Variants in CYP39A1 observed in about 807,000 individuals in gnomAD.
CYP39A1 encodes 24-hydroxycholesterol 7-alpha-hydroxylase.
Under a neutral mutation model 58.1 loss-of-function variants are expected in CYP39A1, and 49 were observed. The ratio of observed to expected loss-of-function variants is 0.84; its 90% CI spans 0.67 to 1.07. The LOEUF (loss-of-function observed/expected upper bound fraction) is 1.07, where lower values mean the gene tolerates loss of function less well. CYP39A1 is among the 50% of genes least tolerant of loss of function. CYP39A1 has a pLI of 0.00. For missense variants in CYP39A1, 531 were observed against 539.4 expected, an observed-to-expected ratio of 0.98 and a Z score of 0.16; for synonymous variants, 209 against 187.6, an observed-to-expected ratio of 1.11 and a Z score of -0.93.
intron 10 of CYP39A1, among the ~76,000 whole-genome samples, chr6:46,578,562 A>T: frequency 6.6e-6 from 1 of 152,232 alleles, no homozygotes; most frequent in East Asian, 1.9e-4. Context: ...AGAAAAAAAA[A>T]GAGAAAAGAT....
At chr6:46,625,314 G>T (rs1029694010) in intron 7 of CYP39A1, 104 bp downstream of exon 7, 4 of 754,342 alleles carry the variant, frequency 5.3e-6, no homozygotes, top group Non-Finnish European at 6.2e-6. Context: ...TTGAATTTTG[G>T]ATTATGTTGA....
chr6:46,555,765 T>C (rs1210398805), intron 10 of CYP39A1, among the ~76,000 whole-genome samples: 2 of 152,216 alleles, frequency 1.3e-5, no homozygotes, highest in African/African-American at 2.4e-5. Context: ...ATCAAATAAT[T>C]AGATTTTTCT....
chr6:46,615,785 G>C (rs1774498279), intron 7 of CYP39A1, among the ~76,000 whole-genome samples: 3 of 151,132 alleles, frequency 2.0e-5, no homozygotes, highest in African/African-American at 7.3e-5. Context: ...TCATGATGGT[G>C]ATCTCAAAGA....
At chr6:46,560,446 G>A (rs1250879798) in intron 10 of CYP39A1, among the ~76,000 whole-genome samples, 1 of 152,188 alleles carries the variant, frequency 6.6e-6, no homozygotes, top group Admixed American at 6.5e-5. Context: ...AGGAATCAAG[G>A]ATGACTCCAA....
At chr6:46,564,168 TTATTCTATTTTATTC>T (rs1771150981) in intron 10 of CYP39A1, among the ~76,000 whole-genome samples, 1 of 130,410 alleles carries the variant, frequency 7.7e-6, no homozygotes, top group Non-Finnish European at 1.5e-5. Flanking sequence ...TTATTCTATT[TTATTCTATTTTATTC>T]TATTTTATTT....
At chr6:46,585,332 T>C (rs1472833791) in intron 10 of CYP39A1, among the ~76,000 whole-genome samples, 1 of 149,758 alleles carries the variant, frequency 6.7e-6, no homozygotes, top group East Asian at 2.0e-4. Flanking sequence ...TATAGATAGA[T>C]AGATAGATAG....
At chr6:46,649,624 T>C (rs1465721172) in intron 1 of CYP39A1, among the ~76,000 whole-genome samples, 1 of 152,222 alleles carries the variant, frequency 6.6e-6, no homozygotes, top group Admixed American at 6.5e-5. Context: ...ACATTTTGCT[T>C]ATAAGGCGGA....
rs143289963 is a variant in CYP39A1 at position 46,554,814 on chromosome 6, T to C, written c.1251-960A>G. 1.2e-4 allele frequency among the ~76,000 whole-genome samples: 18 copies of C among 152,212 alleles called. No individual in the cohort carries two copies. The East Asian group carries it at 3.1e-3, about 26-fold the overall frequency. On this transcript the variant is annotated intron_variant, in intron 10 of 11. Transcript: ENST00000275016. ...ATCCAATTAGGCACCAAGTCCTTTT[T>C]TTATGGTTCTCCTAAATAGCTCTTA... is the stretch of plus-strand genomic sequence containing the variant.
intron 5 of CYP39A1, among the ~76,000 whole-genome samples, chr6:46,634,603 C>A (rs367619412): frequency 5.1e-4 from 75 of 147,108 alleles, no homozygotes; most frequent in African/African-American, 1.8e-3. Context: ...CGCACCATAA[C>A]CTCCGCCTCC....
At chr6:46,621,159 G>A (rs559369099) in intron 7 of CYP39A1, among the ~76,000 whole-genome samples, 3 of 152,182 alleles carry the variant, frequency 2.0e-5, no homozygotes, top group Admixed American at 6.5e-5. Context: ...AAGACTGTCT[G>A]AATAGATTAT....
At chr6:46,582,102 T>C (rs780402723) in intron 10 of CYP39A1, among the ~76,000 whole-genome samples, 2 of 152,234 alleles carry the variant, frequency 1.3e-5, no homozygotes, top group Non-Finnish European at 2.9e-5. Context: ...GTGCACACTC[T>C]TGTGAAAATG....
chr6:46,635,067 A>T (rs1350889916), intron 5 of CYP39A1, among the ~76,000 whole-genome samples: 1 of 152,198 alleles, frequency 6.6e-6, no homozygotes, highest in Non-Finnish European at 1.5e-5. Flanking sequence ...AGATACCTAA[A>T]CATTCACATA....
At chr6:46,599,028 C>A (rs533155050) in intron 7 of CYP39A1, among the ~76,000 whole-genome samples, 2 of 152,096 alleles carry the variant, frequency 1.3e-5, no homozygotes, top group African/African-American at 4.8e-5. Context: ...TTTCCTGAAA[C>A]CTTTATTGGG....
At chr6:46,616,175 C>A (rs1240594740) in intron 7 of CYP39A1, among the ~76,000 whole-genome samples, 14 of 27,860 alleles carry the variant, frequency 5.0e-4, no homozygotes, top group Non-Finnish European at 6.6e-4. Flanking sequence ...TTCTTTCTTT[C>A]TTTCTTTCTT....
At chr6:46,561,336 G>A (rs1770957880) in intron 10 of CYP39A1, among the ~76,000 whole-genome samples, 1 of 152,070 alleles carries the variant, frequency 6.6e-6, no homozygotes, top group Admixed American at 6.6e-5. Context: ...TCAGCATCCT[G>A]GGATAAAAGG....
chr6:46,569,494 T>C (rs1168881279), intron 10 of CYP39A1, among the ~76,000 whole-genome samples: 1 of 152,148 alleles, frequency 6.6e-6, no homozygotes, highest in African/African-American at 2.4e-5. Context: ...GAGTATGATG[T>C]TAGCTGTGGG....
Position 46,646,536 on chromosome 6 carries a change from G to A in CYP39A1, c.178-4238C>T, listed in dbSNP as rs113794741. Among the ~76,000 whole-genome samples, 42 of 151,694 alleles carry A rather than the reference G, an allele frequency of 2.8e-4. 3 individuals carry two copies. Among genetic ancestry groups the A allele is most frequent in the South Asian group, 6.2e-4 (3 of 4,814 alleles). On this transcript the variant is annotated intron_variant, in intron 1 of 11. Coordinates refer to ENST00000275016, the MANE Select transcript of CYP39A1 (RefSeq NM_016593.5). ...TAATACTTGTCTGTAGTTTTTTTCCGTACTATCTGTGGTTTGAGATCAAGG... is the reference window on the plus strand; with the variant it reads ...TAATACTTGTCTGTAGTTTTTTTCCATACTATCTGTGGTTTGAGATCAAGG...
At chr6:46,563,400 C>T (rs1476123229) in intron 10 of CYP39A1, among the ~76,000 whole-genome samples, 1 of 152,150 alleles carries the variant, frequency 6.6e-6, no homozygotes, top group Non-Finnish European at 1.5e-5. Context: ...ACAAGAACAA[C>T]ATTACACATC....
intron 2 of CYP39A1, among the ~76,000 whole-genome samples, 192 bp downstream of exon 2, chr6:46,641,971 G>A (rs534286317): frequency 6.6e-6 from 1 of 152,170 alleles, no homozygotes; most frequent in South Asian, 2.1e-4. Context: ...AATGTATTAG[G>A]CTGCCATTCA....
Sources: allele counts gnomAD v4.1 joint callset (sites outside exome capture counted in the v4.1 genomes callset), GRCh38; gene constraint gnomAD v4.1.1; transcripts MANE v1.5; gene names NCBI Gene and HGNC (gene_info 2026-07-23, HGNC 2026-07-21).